Variants in PTPN9 observed in about 807,000 individuals in gnomAD.
PTPN9 encodes protein tyrosine phosphatase non-receptor type 9.
Under a neutral mutation model 69.8 loss-of-function variants are expected in PTPN9, and 26 were observed. The ratio of observed to expected loss-of-function variants is 0.37; its 90% CI spans 0.27 to 0.52. PTPN9 has a LOEUF of 0.52. PTPN9 is among the 20% of genes least tolerant of loss of function. The probability of loss-of-function intolerance (pLI) is 0.91; values close to 1 mark genes in which losing one functional copy is unlikely to be tolerated. For synonymous variants in PTPN9, 274 were observed against 272.5 expected, an observed-to-expected ratio of 1.01 and a Z score of -0.05; for missense variants, 549 against 740.3, an observed-to-expected ratio of 0.74 and a Z score of 3.00.
chr15:75,521,737 G>C (rs1595960161), intron 4 of PTPN9, among the ~76,000 whole-genome samples: 1 of 152,106 alleles, frequency 6.6e-6, no homozygotes, highest in African/African-American at 2.4e-5. Context: ...AGAAACTGAG[G>C]ATAGGAGATC....
At chr15:75,540,912 TAA>T (rs1373924659) in intron 1 of PTPN9, among the ~76,000 whole-genome samples, 83 of 147,750 alleles carry the variant, frequency 5.6e-4, no homozygotes, top group Non-Finnish European at 2.1e-4. Context: ...ACCTCGTCTC[TAA>T]AAAAAAAATT....
intron 8 of PTPN9, among the ~76,000 whole-genome samples, chr15:75,485,523 C>G (rs1040948813): frequency 1.3e-5 from 2 of 150,656 alleles, no homozygotes; most frequent in Non-Finnish European, 3.0e-5. Context: ...CGCCCGCCAC[C>G]GCGCCCGGCT....
At position 75,521,183 on chromosome 15, in the gene PTPN9, C is replaced by T. The variant is rs1309150292; in HGVS notation, c.422+1938G>A. Among the ~76,000 whole-genome samples, 5 of 150,506 alleles carry T rather than the reference C, an allele frequency of 3.3e-5. No individual in the cohort carries two copies. In the East Asian group the frequency reaches 6.2e-4, roughly 19 times the overall value. The stretch of plus-strand genomic sequence containing the variant: ...ACAATGGGCCGGGCACGGTGGCTCA[C>T]GCCTGTAATCCCAACACTTTGGGAG... On this transcript the variant is annotated intron_variant, in intron 4 of 12. Coordinates refer to ENST00000618819, the MANE Select transcript of PTPN9 (RefSeq NM_002833.4).
intron 9 of PTPN9, among the ~76,000 whole-genome samples, chr15:75,478,842 G>A (rs1434404192): frequency 6.6e-6 from 1 of 152,216 alleles, no homozygotes; most frequent in African/African-American, 2.4e-5. Context: ...GGTATCCACC[G>A]TATCTTGCTC....
intron 7 of PTPN9, among the ~76,000 whole-genome samples, chr15:75,498,073 G>A (rs185163933): frequency 2.3e-3 from 343 of 151,536 alleles, no homozygotes; most frequent in South Asian, 4.2e-3. Flanking sequence ...GCAGGCACCT[G>A]TAATCCCAGC....
intron 1 of PTPN9, among the ~76,000 whole-genome samples, chr15:75,528,427 G>A (rs898700716): frequency 6.6e-6 from 1 of 151,750 alleles, no homozygotes; most frequent in Non-Finnish European, 1.5e-5. Flanking sequence ...CTGTGACCCA[G>A]GCTGGAATGT....
rs939983788 is a variant in PTPN9 at position 75,466,848 on chromosome 15, A to G, written c.*1921T>C. Reference sequence around the variant, plus strand: ...TGCACAGGAGAAGGGAGAGAAGATAATATCTCACTGAATTGTTGTGAGGTT... The same window carrying G: ...TGCACAGGAGAAGGGAGAGAAGATAGTATCTCACTGAATTGTTGTGAGGTT... On this transcript the variant is annotated 3_prime_UTR_variant, in exon 13 of 13. Coordinates refer to ENST00000618819, the MANE Select transcript of PTPN9 (RefSeq NM_002833.4). The G allele has an allele frequency of 1.3e-5, 2 of 152,228 alleles. No homozygotes were observed. Among genetic ancestry groups the G allele is most frequent in the South Asian group, 2.1e-4 (1 of 4,830 alleles). The allele number at this position is 152,228 out of a possible 1,614,324, so 9.4% of individuals were successfully genotyped here.
intron 7 of PTPN9, among the ~76,000 whole-genome samples, chr15:75,496,945 T>C (rs1468172880): frequency 1.3e-5 from 2 of 152,198 alleles, no homozygotes; most frequent in African/African-American, 2.4e-5. Context: ...TTGTCTTCTT[T>C]AGAACTGTTT....
intron 8 of PTPN9, among the ~76,000 whole-genome samples, chr15:75,482,852 G>A (rs2074650823): frequency 6.6e-6 from 1 of 151,820 alleles, no homozygotes; most frequent in Non-Finnish European, 1.5e-5. Context: ...CTACACGGGA[G>A]GCTGAGGCAG....
intron 7 of PTPN9, among the ~76,000 whole-genome samples, chr15:75,504,243 G>C (rs1029065291): frequency 5.2e-5 from 7 of 134,210 alleles, no homozygotes; most frequent in Non-Finnish European, 9.7e-5. Flanking sequence ...CAGCCGCCCC[G>C]TCCGGGAGGG....
Position 75,567,973 on chromosome 15 carries a change from G to A in PTPN9, c.63+10741C>T, listed in dbSNP as rs573978002. Among the ~76,000 whole-genome samples, 14 of 149,614 alleles carry A rather than the reference G, an allele frequency of 9.4e-5. No individual in the cohort carries two copies. In the East Asian group the frequency reaches 2.7e-3, roughly 29 times the overall value. On this transcript the variant is annotated intron_variant, in intron 1 of 12. Coordinates refer to ENST00000618819, the MANE Select transcript of PTPN9 (RefSeq NM_002833.4). ...ATTGTGCCACTGCACTCCAGCCTGG[G>A]CGACACAGCGAGACTCCGTCTCAAA...
intron 9 of PTPN9, among the ~76,000 whole-genome samples, chr15:75,477,369 CA>C (rs1166985028): frequency 3.9e-5 from 6 of 152,078 alleles, no homozygotes; most frequent in Admixed American, 3.3e-4. Flanking sequence ...CCGAGGTAGG[CA>C]GATCACTTCA....
intron 7 of PTPN9, among the ~76,000 whole-genome samples, chr15:75,504,049 CG>C (rs1269666679): frequency 1.6e-5 from 2 of 122,424 alleles, no homozygotes; most frequent in Non-Finnish European, 3.5e-5. Flanking sequence ...GCCCCCCGCC[CG>C]GCCAGCCGAC....
chr15:75,538,184 A>G (rs1251448231), intron 1 of PTPN9, among the ~76,000 whole-genome samples: 2 of 152,184 alleles, frequency 1.3e-5, no homozygotes. Flanking sequence ...CTATCAAAGC[A>G]ATTTTTATGT....
intron 7 of PTPN9, among the ~76,000 whole-genome samples, chr15:75,498,785 TAAA>T (rs966179659): frequency 6.6e-6 from 1 of 151,952 alleles, no homozygotes; most frequent in African/African-American, 2.4e-5. Flanking sequence ...AAGTGTAAAA[TAAA>T]AATAATGAAG....
intron 1 of PTPN9, among the ~76,000 whole-genome samples, chr15:75,569,261 C>A (rs980137836): frequency 1.3e-5 from 2 of 152,170 alleles, no homozygotes; most frequent in African/African-American, 4.8e-5. Context: ...GGACCAGCCA[C>A]ACTGCCGTAA....
chr15:75,524,220 AT>A lies in PTPN9; in HGVS notation c.285del (p.Lys95AsnfsTer5). The A allele has an allele frequency of 6.2e-7, 1 of 1,607,336 alleles. No individual in the cohort carries two copies. Among genetic ancestry groups the A allele is most frequent in the Non-Finnish European group, 8.5e-7 (1 of 1,174,318 alleles). ...CCCTAAACACTCACTAAGATGGTGAATTTTCCACTGAGGATCTCAGAACGAA... is the reference window on the plus strand; with the variant it reads ...CCCTAAACACTCACTAAGATGGTGAATTTCCACTGAGGATCTCAGAACGAA... ...EPLRSEILSG[K>X]FTILNVRDPT... On this transcript the variant is annotated frameshift_variant, in exon 3 of 13. Coordinates refer to ENST00000618819, the MANE Select transcript of PTPN9 (RefSeq NM_002833.4). LOFTEE classifies it high-confidence loss of function.
chr15:75,475,405 C>T (rs563641142), intron 9 of PTPN9, among the ~76,000 whole-genome samples: 1 of 152,066 alleles, frequency 6.6e-6, no homozygotes, highest in African/African-American at 2.4e-5. Context: ...ATGGTAAAAC[C>T]CCGTCTCTAC....
intron 8 of PTPN9, among the ~76,000 whole-genome samples, chr15:75,485,035 C>T (rs1308611332): frequency 6.6e-6 from 1 of 152,130 alleles, no homozygotes; most frequent in Non-Finnish European, 1.5e-5. Flanking sequence ...TTTTCCCTCC[C>T]ATAGCAGCTA....
Sources: gnomAD v4.1 joint callset for allele counts (sites outside exome capture counted in the v4.1 genomes callset) on GRCh38, gnomAD v4.1.1 for gene constraint, MANE v1.5 for transcripts, NCBI Gene and HGNC (gene_info 2026-07-23, HGNC 2026-07-21) for gene names.